The following DENND1A variants were observed in gnomAD, a reference collection of about 807,000 sequenced individuals.
DENND1A encodes the protein DENN domain-containing protein 1A.
A neutral mutation model predicts 113.7 loss-of-function variants in DENND1A; 51 were observed. The ratio of observed to expected loss-of-function variants is 0.45; its 90% confidence interval spans 0.36 to 0.57. The LOEUF (loss-of-function observed/expected upper bound fraction) is 0.57. Among genes scored for constraint, DENND1A ranks in the 20% least tolerant of loss-of-function variants. The pLI, the probability that DENND1A is intolerant of heterozygous loss-of-function variation, is 0.00. For synonymous variants in DENND1A, 565 were observed against 570.8 expected (o/e 0.99, Z 0.14); for missense variants, 1,258 against 1,395.9 (o/e 0.90, Z 1.57).
chr9:123,592,650 G>C (rs563827698), intron 11 of DENND1A, among the ~76,000 whole-genome samples: 1 of 152,282 alleles, frequency 6.6e-6, no homozygotes, highest in South Asian at 2.1e-4. Context: ...CATTTAGTGG[G>C]TTTCTGTGTT....
chr9:123,848,240 A>C (rs1192039501), intron 2 of DENND1A, among the ~76,000 whole-genome samples: 2 of 148,826 alleles, frequency 1.3e-5, no homozygotes, highest in East Asian at 1.9e-4. Flanking sequence ...AAAAAAAAAA[A>C]AAAAAAAAAA....
chr9:123,496,774 T>TG (rs1468074827), intron 13 of DENND1A, among the ~76,000 whole-genome samples: 4 of 152,254 alleles, frequency 2.6e-5, no homozygotes, highest in African/African-American at 9.6e-5. Context: ...ACACCGTTAT[T>TG]GATGCGCTGG....
chr9:123,872,444 A>G (rs1335064732), intron 2 of DENND1A, among the ~76,000 whole-genome samples: 1 of 152,218 alleles, frequency 6.6e-6, no homozygotes, highest in Non-Finnish European at 1.5e-5. Flanking sequence ...AGCTTAATGA[A>G]TAATTGGAGA....
At chr9:123,523,017 A>G (rs2054518949) in intron 13 of DENND1A, among the ~76,000 whole-genome samples, 1 of 152,242 alleles carries the variant, frequency 6.6e-6, no homozygotes, top group African/African-American at 2.4e-5. Flanking sequence ...AGTGGGGCAG[A>G]GAAACATGGA....
At chr9:123,468,230 G>A (rs995773631) in intron 13 of DENND1A, among the ~76,000 whole-genome samples, 1 of 152,160 alleles carries the variant, frequency 6.6e-6, no homozygotes, top group African/African-American at 2.4e-5. Flanking sequence ...CATGTAATGT[G>A]GGTAGAGCTA....
rs749123191 is a variant in DENND1A at position 123,381,741 on chromosome 9, G to A, written c.2904C>T (p.Pro968=). The change falls in exon 24 of 24, where the codon CCC becomes CCT. Residue 968 remains proline (P), a synonymous_variant. Transcript: ENST00000394215. This position sits in a 1 kb window ranked among gnomAD's most constrained non-coding sequence, Gnocchi z 4.7. ...GQMPMGTHTS[P]LQPLGPPAVA... is the part of the protein sequence containing the mutation. ...CTGCTGGGGGACCCAGCGGCTGTAG[G>A]GGGCTCGTGTGGGTGCCCATGGGCA... 6.6e-6 allele frequency: 10 copies of A among 1,517,122 alleles called. No individual in the cohort carries two copies. The South Asian group carries it at 1.2e-4, about 17-fold the overall frequency. 94.0% of individuals were successfully genotyped at this position (1,517,122 alleles called of 1,614,324 possible).
chr9:123,848,228 T>TAAAAAAAAAA (rs375535777), intron 2 of DENND1A, among the ~76,000 whole-genome samples: 1 of 60,520 alleles, frequency 1.7e-5, no homozygotes, highest in African/African-American at 7.2e-5. Flanking sequence ...GATACTGCTT[T>TAAAAAAAAAA]AAAAAAAAAA....
chr9:123,500,271 G>C (rs2052356355), intron 13 of DENND1A, among the ~76,000 whole-genome samples: 1 of 152,182 alleles, frequency 6.6e-6, no homozygotes, highest in Admixed American at 6.5e-5. Flanking sequence ...GTCATTCAGA[G>C]AAGACAGATA....
intron 2 of DENND1A, among the ~76,000 whole-genome samples, chr9:123,793,258 A>G (rs950102590): frequency 1.3e-5 from 2 of 152,192 alleles, no homozygotes; most frequent in African/African-American, 4.8e-5. Context: ...TTGCTCAGAA[A>G]CTATACAAAT....
intron 3 of DENND1A, among the ~76,000 whole-genome samples, chr9:123,792,158 A>G (rs890437354): frequency 6.6e-6 from 1 of 152,174 alleles, no homozygotes; most frequent in African/African-American, 2.4e-5. Flanking sequence ...CAATACTACC[A>G]TAACACATAA....
intron 1 of DENND1A, among the ~76,000 whole-genome samples, chr9:123,896,049 C>T (rs1454694796): frequency 6.6e-6 from 1 of 152,164 alleles, no homozygotes; most frequent in Non-Finnish European, 1.5e-5. Context: ...GGCATGGTGG[C>T]TCACATCTGT....
intron 3 of DENND1A, among the ~76,000 whole-genome samples, chr9:123,775,116 T>C (rs1265866945): frequency 6.6e-6 from 1 of 152,222 alleles, no homozygotes; most frequent in Non-Finnish European, 1.5e-5. Flanking sequence ...ATTCCTTTTA[T>C]TAATTTTAAA....
chr9:123,592,432 T>C (rs1009232863), intron 11 of DENND1A, among the ~76,000 whole-genome samples: 1 of 152,192 alleles, frequency 6.6e-6, no homozygotes, highest in Non-Finnish European at 1.5e-5. Flanking sequence ...GGGCAAATTA[T>C]TTAGACTTCC....
At chr9:123,881,779 C>T (rs1436433021) in intron 1 of DENND1A, among the ~76,000 whole-genome samples, 1 of 152,182 alleles carries the variant, frequency 6.6e-6, no homozygotes, top group African/African-American at 2.4e-5. Flanking sequence ...TCTGCTGCTT[C>T]TTCCTTTCTC....
At chr9:123,573,230 G>A (rs1014878422) in intron 12 of DENND1A, among the ~76,000 whole-genome samples, 3 of 152,000 alleles carry the variant, frequency 2.0e-5, no homozygotes, top group African/African-American at 7.2e-5. Flanking sequence ...CTACAACTTT[G>A]TTCTTCTCTT....
intron 5 of DENND1A, among the ~76,000 whole-genome samples, chr9:123,720,299 C>G (rs562208099): frequency 2.0e-5 from 3 of 152,240 alleles, no homozygotes; most frequent in Admixed American, 2.0e-4. Flanking sequence ...ACAGAAGAGG[C>G]AGCTGCCTCA....
chr9:123,861,674 A>G (rs1845071623), intron 2 of DENND1A, among the ~76,000 whole-genome samples: 1 of 152,232 alleles, frequency 6.6e-6, no homozygotes, highest in Non-Finnish European at 1.5e-5. Flanking sequence ...GAAAAATCTT[A>G]TCAAGCATTC....
intron 13 of DENND1A, among the ~76,000 whole-genome samples, chr9:123,473,157 C>A (rs1025667551): frequency 6.6e-6 from 1 of 152,184 alleles, no homozygotes; most frequent in South Asian, 2.1e-4. Context: ...TCAGAGCAAG[C>A]GCTCTGATGC....
At chr9:123,402,610 C>G (rs1452078052) in intron 21 of DENND1A, 1 of 534,786 alleles carries the variant, frequency 1.9e-6, no homozygotes, top group East Asian at 5.4e-5. Flanking sequence ...TGCACTTTTT[C>G]AAGGCATCAC....
Sources: gnomAD v4.1 joint callset for allele counts (sites outside exome capture counted in the v4.1 genomes callset) on GRCh38, gnomAD v4.1.1 for gene constraint, Gnocchi (gnomAD v3.1) non-coding constraint, MANE v1.5 for transcripts, NCBI Gene and HGNC (gene_info 2026-07-23, HGNC 2026-07-21) for gene names.